CFAP44: variants seen among roughly 807,000 people sequenced by gnomAD.
CFAP44 encodes cilia and flagella associated protein 44, also known as cilia- and flagella-associated protein 44.
CFAP44 carries 134 observed loss-of-function variants against 216.2 expected under a neutral mutation model. The ratio of observed to expected loss-of-function variants is 0.62; its 90% CI spans 0.54 to 0.72. The LOEUF (loss-of-function observed/expected upper bound fraction) is 0.72, where lower values mean the gene tolerates loss of function less well. Ranked by LOEUF, CFAP44 falls within the 30% of genes least tolerant of loss-of-function variation. The probability of loss-of-function intolerance (pLI) is 0.00; values close to 1 mark genes in which losing one functional copy is unlikely to be tolerated. For missense variants in CFAP44, 2,035 were observed against 2,182.1 expected (o/e 0.93, Z 1.34); for synonymous variants, 700 against 727.6 (o/e 0.96, Z 0.61).
At position 113,380,919 on chromosome 3, in the gene CFAP44, T is replaced by TTGAAAAATGGAAACATTTTATGCACATG; in HGVS notation, c.2004_2031dup (p.Ser678HisfsTer14). On this transcript the variant is annotated frameshift_variant, in exon 16 of 35. Coordinates refer to ENST00000393845, the MANE Select transcript of CFAP44 (RefSeq NM_001164496.2). LOFTEE classifies it high-confidence loss of function. ...CATACCAGAATCTTAGATTTGACAC[T>TTGAAAAATGGAAACATTTTATGCACATG]TGAAAAATGGAAACATTTTATGCAC... is the stretch of plus-strand genomic sequence containing the variant. 6.3e-7 allele frequency: 1 copy of TTGAAAAATGGAAACATTTTATGCACATG among 1,583,930 alleles called. No homozygotes were observed.
chr3:113,321,687 T>C (rs1950147539), intron 28 of CFAP44, among the ~76,000 whole-genome samples: 1 of 152,186 alleles, frequency 6.6e-6, no homozygotes, highest in Admixed American at 6.5e-5. Context: ...ACAAAATCAA[T>C]ATACAAAAAT....
intron 13 of CFAP44, among the ~76,000 whole-genome samples, chr3:113,398,105 T>A (rs780955357): frequency 8.5e-5 from 13 of 152,144 alleles, no homozygotes; most frequent in Non-Finnish European, 1.6e-4. Context: ...ATGTTGTTTA[T>A]CCAATAAAAA....
At chr3:113,368,312 A>G (rs1468357458) in intron 18 of CFAP44, among the ~76,000 whole-genome samples, 2 of 152,216 alleles carry the variant, frequency 1.3e-5, no homozygotes, top group Non-Finnish European at 2.9e-5. Context: ...GTTGCAATGA[A>G]GGAAAAAATT....
intron 12 of CFAP44, among the ~76,000 whole-genome samples, chr3:113,400,319 A>C (rs893473428): frequency 6.6e-6 from 1 of 152,084 alleles, no homozygotes; most frequent in Non-Finnish European, 1.5e-5. Context: ...AACGAGCAGC[A>C]TTTTCATGAG....
At position 113,290,714 on chromosome 3, in the gene CFAP44, T is replaced by C. The variant is rs898748134; in HGVS notation, c.*843A>G. 2 of 152,194 alleles carry C rather than the reference T, an allele frequency of 1.3e-5. No homozygotes were observed. Among genetic ancestry groups the C allele is most frequent in the South Asian group, 2.1e-4 (1 of 4,832 alleles). The allele number at this position is 152,194 out of a possible 1,614,324, so 9.4% of individuals were successfully genotyped here. A position where few individuals can be genotyped will look rare whatever the true frequency, so the allele number is the denominator to read the frequency against. On this transcript the variant is annotated 3_prime_UTR_variant, in exon 35 of 35. Transcript: ENST00000393845. ...ATTGTTAAAGATGATCTCTAGTAAA[T>C]CTATTTCATTATCTCCTCATCTATA...
At chr3:113,306,484 T>C (rs931664024) in intron 29 of CFAP44, among the ~76,000 whole-genome samples, 153 bp from the exon 30 acceptor site, 25 of 152,220 alleles carry the variant, frequency 1.6e-4, no homozygotes, top group Non-Finnish European at 3.1e-4. Context: ...TTGTTCCAGG[T>C]TGAAATTATT....
At position 113,369,492 on chromosome 3, in the gene CFAP44, A is replaced by T. The variant is rs966950665; in HGVS notation, c.2445-3183T>A. Among the ~76,000 whole-genome samples, 7 of 152,178 alleles carry T rather than the reference A, an allele frequency of 4.6e-5. 1 individual carries two copies. The South Asian group carries it at 1.2e-3, about 27-fold the overall frequency. On this transcript the variant is annotated intron_variant, in intron 18 of 34. Transcript: ENST00000393845. ...CCTGAATGACTACTGGGTAAATAACAAAATGAAGGCAGAAATAAAGATGTT... is the reference window on the plus strand; with the variant it reads ...CCTGAATGACTACTGGGTAAATAACTAAATGAAGGCAGAAATAAAGATGTT...
chr3:113,291,840 C>T (rs1949832286), intron 34 of CFAP44, 92 bp from the exon 35 acceptor site: 4 of 1,363,672 alleles, frequency 2.9e-6, no homozygotes, highest in Non-Finnish European at 3.9e-6. Flanking sequence ...GAGTGCTGGC[C>T]TGACAGTCAC....
At chr3:113,431,459 C>T (rs1935104026) in intron 2 of CFAP44, among the ~76,000 whole-genome samples, 2 of 152,040 alleles carry the variant, frequency 1.3e-5, no homozygotes, top group African/African-American at 4.8e-5. Flanking sequence ...CTGCCGAGGA[C>T]TGGAAACCAA....
Position 113,416,601 on chromosome 3 carries a change from T to C in CFAP44, c.597A>G (p.Thr199=). ...IGVHPHKTYF[T]VAEKGSFPDI... ...CTGGAAAACTCCCTTTTTCAGCTACTGTGAAATAAGTTTTATGTGGATGAA... is the reference window on the plus strand; with the variant it reads ...CTGGAAAACTCCCTTTTTCAGCTACCGTGAAATAAGTTTTATGTGGATGAA... The change falls in exon 6 of 35, where the codon ACA becomes ACG. Residue 199 remains threonine (T), a synonymous_variant. Transcript: ENST00000393845. The C allele has an allele frequency of 6.2e-7, 1 of 1,611,808 alleles. No homozygotes were observed. Among genetic ancestry groups the C allele is most frequent in the Non-Finnish European group, 8.5e-7 (1 of 1,178,628 alleles).
intron 25 of CFAP44, among the ~76,000 whole-genome samples, chr3:113,332,348 AT>A (rs1465236217): frequency 6.6e-6 from 1 of 152,234 alleles, no homozygotes; most frequent in East Asian, 1.9e-4. Context: ...ATTTGTGAAT[AT>A]GAATTGCCAA....
intron 23 of CFAP44, among the ~76,000 whole-genome samples, chr3:113,344,056 T>A (rs1051252945): frequency 2.6e-5 from 4 of 152,242 alleles, no homozygotes; most frequent in African/African-American, 9.6e-5. Context: ...GATCATTCTA[T>A]TTAAAGCATA....
At chr3:113,312,062 T>G (rs1290674645) in intron 28 of CFAP44, among the ~76,000 whole-genome samples, 1 of 143,058 alleles carries the variant, frequency 7.0e-6, no homozygotes, top group African/African-American at 2.8e-5. Flanking sequence ...TGTGTGTCTG[T>G]GTGTGTGTGT....
In CFAP44 at chr3:113,363,336, G is replaced by C. The variant is rs757335186; in HGVS notation, c.2772-29C>G. 7.6e-6 allele frequency: 12 copies of C among 1,586,880 alleles called. No individual in the cohort carries two copies. The African/African-American group carries it at 8.2e-5, about 11-fold the overall frequency. ...AAAACAGAAATTTAAAACAATAACA[G>C]GTTGTGATACAGAAACAGCAGAGAA... On this transcript the variant is annotated intron_variant, in intron 20 of 34. Transcript: ENST00000393845.
intron 5 of CFAP44, among the ~76,000 whole-genome samples, chr3:113,418,057 AATTT>A (rs71299331): frequency 0.019 from 2,865 of 148,946 alleles, 39 homozygotes; most frequent in Non-Finnish European, 0.031. Context: ...ATTGAGACAC[AATTT>A]ATTTATTTAT....
chr3:113,396,499 A>G lies in CFAP44; in HGVS notation c.1779+19T>C. ...ACTATAAAATTTCAACAAGAAAAGA[A>G]AGGAAATGTACTGCTTACCCCTGTG... is the stretch of plus-strand genomic sequence containing the variant. On this transcript the variant is annotated intron_variant, in intron 14 of 34. Transcript: ENST00000393845. 6.2e-7 allele frequency: 1 copy of G among 1,600,298 alleles called. No homozygotes were observed. The highest frequency in any genetic ancestry group is 8.5e-7 in the Non-Finnish European group (1 of 1,171,954).
At position 113,330,330 on chromosome 3, in the gene CFAP44, T is replaced by A; in HGVS notation, c.3954A>T (p.Thr1318=). The A allele has an allele frequency of 6.5e-7, 1 of 1,537,286 alleles. No individual in the cohort carries two copies. Among genetic ancestry groups the A allele is most frequent in the Non-Finnish European group, 8.7e-7 (1 of 1,146,892 alleles). The change falls in exon 26 of 35, where the codon ACA becomes ACT. Residue 1318 remains threonine, a synonymous_variant. Transcript: ENST00000393845. ...ATGATCTAGATATTGAATCACGGGT[T>A]GTCAAATCCCCATCCTTTCTAGAAG... The part of the protein sequence containing the change: ...KLSSRKDGDL[T]TRDSISRSSK...
intron 4 of CFAP44, among the ~76,000 whole-genome samples, chr3:113,420,625 T>C (rs1934790283): frequency 6.6e-6 from 1 of 152,220 alleles, no homozygotes; most frequent in African/African-American, 2.4e-5. Flanking sequence ...TGTATCTTCA[T>C]CACCTTTGTA....
Position 113,360,119 on chromosome 3 carries a change from A to G in CFAP44, c.2935-1244T>C, listed in dbSNP as rs558306233. 4 of 152,196 alleles carry G rather than the reference A, an allele frequency of 2.6e-5. No homozygotes were observed. The East Asian group carries it at 7.7e-4, about 29-fold the overall frequency. 9.4% of individuals were successfully genotyped at this position (152,196 alleles called of 1,614,324 possible). ...GTGTGGTAGGTAAATCCAATAGTAA[A>G]CTTTGTATTACGTAAAGAGGTTCAT... On this transcript the variant is annotated intron_variant, in intron 21 of 34. Coordinates refer to ENST00000393845, the MANE Select transcript of CFAP44 (RefSeq NM_001164496.2).
Sources: gnomAD v4.1 joint callset for allele counts (sites outside exome capture counted in the v4.1 genomes callset) on GRCh38, gnomAD v4.1.1 for gene constraint, MANE v1.5 for transcripts, NCBI Gene and HGNC (gene_info 2026-07-23, HGNC 2026-07-21) for gene names.